PKD2L2: variants seen among roughly 807,000 people sequenced by gnomAD.
PKD2L2 encodes polycystin 2 like 2, transient receptor potential cation channel.
A neutral mutation model predicts 83.9 loss-of-function variants in PKD2L2; 67 were observed. The observed-to-expected ratio is 0.80, with a 90% CI of 0.66 to 0.98. The LOEUF (loss-of-function observed/expected upper bound fraction) is 0.98. Among genes scored for constraint, PKD2L2 ranks in the 50% least tolerant of loss-of-function variants. The pLI, the probability that PKD2L2 is intolerant of heterozygous loss-of-function variation, is 0.00. For missense variants in PKD2L2, 632 were observed against 717.2 expected, an observed-to-expected ratio of 0.88 and a Z score of 1.36; for synonymous variants, 223 against 237.8, an observed-to-expected ratio of 0.94 and a Z score of 0.57.
intron 14 of PKD2L2, chr5:137,939,024 T>C (rs561843547): frequency 6.6e-6 from 1 of 152,178 alleles, no homozygotes; most frequent in South Asian, 2.1e-4. Context: ...AGCAGAATGA[T>C]ACCGAGACAG....
intron 12 of PKD2L2, among the ~76,000 whole-genome samples, chr5:137,934,565 T>C (rs1351742253): frequency 5.9e-5 from 9 of 152,084 alleles, no homozygotes; most frequent in Admixed American, 3.9e-4. Context: ...TCCCAGCACG[T>C]TGGAAGGCCG....
intron 14 of PKD2L2, chr5:137,941,972 C>T: frequency 6.2e-7 from 1 of 1,614,050 alleles, no homozygotes; most frequent in Non-Finnish European, 8.5e-7. Context: ...AATGCTTCTT[C>T]AAATTCCCGC....
At chr5:137,931,927 A>G (rs1206487652) in intron 12 of PKD2L2, among the ~76,000 whole-genome samples, 2 of 152,246 alleles carry the variant, frequency 1.3e-5, no homozygotes, top group Non-Finnish European at 2.9e-5. Flanking sequence ...ATTTACATAA[A>G]TGTCATATAT....
chr5:137,939,753 T>G, intron 14 of PKD2L2: 1 of 655,252 alleles, frequency 1.5e-6, no homozygotes, highest in Non-Finnish European at 2.0e-6. Context: ...GAGAACACAG[T>G]TGCGTATGTG....
chr5:137,894,809 C>G (rs2150001554), intron 4 of PKD2L2, among the ~76,000 whole-genome samples, 200 bp downstream of exon 4: 1 of 152,224 alleles, frequency 6.6e-6, no homozygotes, highest in Non-Finnish European at 1.5e-5. Flanking sequence ...CTTTAGGATG[C>G]AAAGTGTTTT....
intron 8 of PKD2L2, among the ~76,000 whole-genome samples, chr5:137,917,849 T>C (rs1177596229): frequency 6.6e-6 from 1 of 152,202 alleles, no homozygotes; most frequent in Non-Finnish European, 1.5e-5. Flanking sequence ...TGGTGATTTT[T>C]TGGTGAATTT....
chr5:137,890,299 T>C (rs1347689227), intron 1 of PKD2L2, 182 bp from the exon 2 acceptor site: 9 of 493,054 alleles, frequency 1.8e-5, no homozygotes, highest in Non-Finnish European at 3.2e-5. Flanking sequence ...AAATCTGTTA[T>C]TAATAGTATA....
intron 2 of PKD2L2, among the ~76,000 whole-genome samples, chr5:137,891,447 C>A (rs1755974119): frequency 1.4e-5 from 2 of 147,516 alleles, no homozygotes; most frequent in Admixed American, 1.4e-4. Context: ...GCCTGGGTGA[C>A]AGGCTGAGAC....
chr5:137,938,071 TAC>T (rs1248747029), intron 14 of PKD2L2: 3 of 152,202 alleles, frequency 2.0e-5, no homozygotes, highest in African/African-American at 4.8e-5. Flanking sequence ...TATATAGATA[TAC>T]AGTTTTTATT....
Position 137,921,631 on chromosome 5 carries a change from T to C in PKD2L2, c.1329-5T>C, listed in dbSNP as rs537451790. ...TATATTTTCTACTGTTTTTCTTTCT[T>C]AAAGATTTGCACAATTTCGAATTGT... On this transcript the variant is annotated splice_region_variant and splice_polypyrimidine_tract_variant and intron_variant, in intron 8 of 14. Coordinates refer to ENST00000508883, the MANE Select transcript of PKD2L2 (RefSeq NM_001300921.2). The C allele has an allele frequency of 3.6e-5, 56 of 1,569,332 alleles. No individual in the cohort carries two copies. Among genetic ancestry groups the C allele is most frequent in the South Asian group, 2.5e-4 (22 of 87,024 alleles).
chr5:137,898,824 G>A (rs932904280), intron 4 of PKD2L2, among the ~76,000 whole-genome samples: 54 of 152,012 alleles, frequency 3.6e-4, no homozygotes, highest in African/African-American at 1.2e-3. Flanking sequence ...CTTGAACTCC[G>A]GGGCTCAAGC....
chr5:137,902,605 A>G (rs1269499187), intron 5 of PKD2L2, among the ~76,000 whole-genome samples: 3 of 152,148 alleles, frequency 2.0e-5, no homozygotes, highest in Admixed American at 6.5e-5. Flanking sequence ...GCATAAATCA[A>G]TTAGCATGGT....
At chr5:137,907,160 G>A (rs1462317319) in intron 6 of PKD2L2, among the ~76,000 whole-genome samples, 1 of 152,162 alleles carries the variant, frequency 6.6e-6, no homozygotes, top group Non-Finnish European at 1.5e-5. Flanking sequence ...GTTTCTGAGA[G>A]TCAGAAAGCA....
chr5:137,893,059 G>T (rs529876290), intron 3 of PKD2L2, among the ~76,000 whole-genome samples: 21 of 151,904 alleles, frequency 1.4e-4, no homozygotes, highest in Non-Finnish European at 2.9e-4. Context: ...ACAGAGCTAG[G>T]CTCCATCTCA....
intron 4 of PKD2L2, among the ~76,000 whole-genome samples, chr5:137,898,810 C>T (rs992662830): frequency 6.6e-6 from 1 of 151,678 alleles, no homozygotes; most frequent in Non-Finnish European, 1.5e-5. Context: ...TAGCTCAGTG[C>T]GGCCTTGAAC....
chr5:137,941,358 T>C (rs1761760345), intron 14 of PKD2L2, among the ~76,000 whole-genome samples: 2 of 152,204 alleles, frequency 1.3e-5, no homozygotes, highest in Admixed American at 1.3e-4. Flanking sequence ...TTCTCAGGCC[T>C]GAGATAACTG....
chr5:137,936,050 T>C (rs1760319545), intron 13 of PKD2L2, 141 bp downstream of exon 13: 1 of 646,228 alleles, frequency 1.5e-6, no homozygotes, highest in Non-Finnish European at 2.7e-6. Flanking sequence ...GTTTTAAAGT[T>C]GCATATGACT....
rs767713877 is a variant in PKD2L2, at chr5:137,889,508, G to A, written c.17G>A (p.Arg6Gln). Reference sequence around the variant, plus strand: ...AGGTCCGCCATGGCTGAGGCGTCACGGTGGCACCGAGGCGGTGAGGGGTCC... The same window carrying A: ...AGGTCCGCCATGGCTGAGGCGTCACAGTGGCACCGAGGCGGTGAGGGGTCC... MAEASRWHRGGASKHK... is the reference protein window; with the variant it reads MAEASQWHRGGASKHK... Residue 6 changes from arginine (R) to glutamine (Q), a missense_variant, in exon 1 of 15, where the codon CGG becomes CAG. Arg to Gln is a conservative substitution (Grantham distance 43). Coordinates refer to ENST00000508883, the MANE Select transcript of PKD2L2 (RefSeq NM_001300921.2). 6.4e-7 allele frequency: 1 copy of A among 1,557,906 alleles called. No homozygotes were observed. Among genetic ancestry groups the A allele is most frequent in the South Asian group, 1.2e-5 (1 of 84,510 alleles).
intron 6 of PKD2L2, among the ~76,000 whole-genome samples, chr5:137,907,035 C>CT (rs748247432): frequency 2.0e-5 from 3 of 152,248 alleles, no homozygotes; most frequent in East Asian, 3.9e-4. Context: ...AGAGTTTGGT[C>CT]TTAGGAACAA....
Sources: gnomAD v4.1 joint callset for allele counts (sites outside exome capture counted in the v4.1 genomes callset) on GRCh38, gnomAD v4.1.1 for gene constraint, MANE v1.5 for transcripts, NCBI Gene and HGNC (gene_info 2026-07-23, HGNC 2026-07-21) for gene names.